The following NEMP2 variants were observed in gnomAD, a reference collection of about 807,000 sequenced individuals.
NEMP2 encodes the protein nuclear envelope integral membrane protein 2.
Under a neutral mutation model 54.2 loss-of-function variants are expected in NEMP2, and 53 were observed. The ratio of observed to expected loss-of-function variants is 0.98; its 90% CI spans 0.78 to 1.23. The LOEUF (loss-of-function observed/expected upper bound fraction) is 1.23, where lower values mean the gene tolerates loss of function less well. Among genes scored for constraint, NEMP2 ranks in the 50% most tolerant of loss-of-function variants. NEMP2 has a pLI of 0.00. For missense variants in NEMP2, 455 were observed against 511.3 expected, an observed-to-expected ratio of 0.89 and a Z score of 1.06; for synonymous variants, 197 against 190.3, an observed-to-expected ratio of 1.04 and a Z score of -0.29.
the NEMP2 span, among the ~76,000 whole-genome samples, chr2:190,471,511 A>T: frequency 1.3e-5 from 2 of 152,154 alleles, no homozygotes; most frequent in African/African-American, 4.8e-5. This position sits in a 1 kb window ranked among gnomAD's most constrained non-coding sequence, Gnocchi z 4.7. Context: ...GCAGTCTGAG[A>T]TCAAACTGCA....
At chr2:190,469,845 A>G in the NEMP2 span, 21 of 1,600,444 alleles carry the variant, frequency 1.3e-5, 1 homozygote, top group Non-Finnish European at 1.8e-5. This position sits in a 1 kb window ranked among gnomAD's most constrained non-coding sequence, Gnocchi z 5.3. Context: ...TCCCCATGGA[A>G]GTTCTTCAAG....
the NEMP2 span, among the ~76,000 whole-genome samples, chr2:190,604,827 T>C: frequency 6.6e-6 from 1 of 152,222 alleles, no homozygotes; most frequent in Admixed American, 6.5e-5. This position sits in a 1 kb window ranked among gnomAD's most constrained non-coding sequence, Gnocchi z 4.5. Context: ...GTATCATTTC[T>C]TATCATTTCT....
At chr2:190,609,651 G>T in the NEMP2 span, 1 of 152,130 alleles carries the variant, frequency 6.6e-6, no homozygotes, top group African/African-American at 2.4e-5. This position sits in a 1 kb window ranked among gnomAD's most constrained non-coding sequence, Gnocchi z 4.7. Context: ...GACAGTTGTT[G>T]TAATGCAGGC....
the NEMP2 span, among the ~76,000 whole-genome samples, chr2:190,595,604 A>G: frequency 1.2e-4 from 18 of 152,218 alleles, no homozygotes; most frequent in Non-Finnish European, 2.2e-4. The surrounding 1 kb of genome is among the most constrained non-coding windows in gnomAD (Gnocchi z 4.0). Context: ...ATAAACAGAT[A>G]CTTCTTGAAA....
the NEMP2 span, among the ~76,000 whole-genome samples, chr2:190,592,585 G>A: frequency 6.6e-6 from 1 of 152,072 alleles, no homozygotes; most frequent in African/African-American, 2.4e-5. The surrounding 1 kb of genome is among the most constrained non-coding windows in gnomAD (Gnocchi z 4.4). Context: ...ACTTCATAAG[G>A]GAGATAGTGT....
chr2:190,579,092 C>T, the NEMP2 span, among the ~76,000 whole-genome samples: 20 of 147,676 alleles, frequency 1.4e-4, no homozygotes, highest in Non-Finnish European at 2.9e-4. Context: ...GTGAATAGAA[C>T]TGTAAGTTAG....
chr2:190,500,418 C>A (rs2125283407), downstream of NEMP2: 2 of 609,082 alleles, frequency 3.3e-6, no homozygotes, highest in Middle Eastern at 4.5e-4. This position sits in a 1 kb window ranked among gnomAD's most constrained non-coding sequence, Gnocchi z 5.3. Flanking sequence ...CTTTCGTAAT[C>A]TCATTGGAAT....
At chr2:190,548,162 G>T in the NEMP2 span, among the ~76,000 whole-genome samples, 1 of 152,140 alleles carries the variant, frequency 6.6e-6, no homozygotes, top group Non-Finnish European at 1.5e-5. Context: ...CCACATTGTG[G>T]TTGTGTCCCT....
the NEMP2 span, among the ~76,000 whole-genome samples, chr2:190,629,979 G>C: frequency 6.6e-6 from 1 of 152,252 alleles, no homozygotes; most frequent in African/African-American, 2.4e-5. Flanking sequence ...TAGCTACCAA[G>C]AGGGGGATGT....
At chr2:190,606,078 G>C in the NEMP2 span, among the ~76,000 whole-genome samples, 1 of 152,218 alleles carries the variant, frequency 6.6e-6, no homozygotes, top group Admixed American at 6.5e-5. Flanking sequence ...CCACCTTCCA[G>C]TCTTGCGCTT....
At chr2:190,532,048 A>G (rs1691163381) in intron 1 of NEMP2, among the ~76,000 whole-genome samples, 1 of 152,212 alleles carries the variant, frequency 6.6e-6, no homozygotes, top group South Asian at 2.1e-4. Context: ...TATATGACAA[A>G]TTTCCCCATT....
the NEMP2 span, among the ~76,000 whole-genome samples, chr2:190,620,109 AACTAAGCTC>A: frequency 6.6e-6 from 1 of 152,126 alleles, no homozygotes. The surrounding 1 kb of genome is among the most constrained non-coding windows in gnomAD (Gnocchi z 4.9). Flanking sequence ...TTCCCTGGGG[AACTAAGCTC>A]TCAGTTGGAT....
chr2:190,434,182 C>CAAAA, the NEMP2 span, among the ~76,000 whole-genome samples: 646 of 129,772 alleles, frequency 5.0e-3, 5 homozygotes, highest in African/African-American at 0.018. This position sits in a 1 kb window ranked among gnomAD's most constrained non-coding sequence, Gnocchi z 4.3. Flanking sequence ...CCCTGTCTCT[C>CAAAA]AAAAAAAAAA....
Position 190,533,373 on chromosome 2 carries a change from A to G in NEMP2, c.97+1186T>C, listed in dbSNP as rs1188876231. On this transcript the variant is annotated intron_variant, in intron 1 of 8. Transcript: ENST00000409150. This position sits in a 1 kb window ranked among gnomAD's most constrained non-coding sequence, Gnocchi z 4.3. Reference sequence around the variant, plus strand: ...CTTACTACCAAACCTTCGTTTTCTCATCTGTAAAATGGGTATAAAATGGTG... The same window carrying G: ...CTTACTACCAAACCTTCGTTTTCTCGTCTGTAAAATGGGTATAAAATGGTG... Among the ~76,000 whole-genome samples, 2 of 152,196 alleles carry G rather than the reference A, an allele frequency of 1.3e-5. No individual in the cohort carries two copies. The highest frequency in any genetic ancestry group is 1.3e-4 in the Admixed American group (2 of 15,286).
At chr2:190,612,152 CTTTT>C in the NEMP2 span, among the ~76,000 whole-genome samples, 7 of 115,784 alleles carry the variant, frequency 6.0e-5, no homozygotes, top group Admixed American at 3.1e-4. Flanking sequence ...AAACATCCCT[CTTTT>C]TTTTTTTTTT....
the NEMP2 span, among the ~76,000 whole-genome samples, chr2:190,428,285 A>C: frequency 1.3e-5 from 2 of 152,230 alleles, no homozygotes; most frequent in Non-Finnish European, 2.9e-5. Context: ...CATTAAAATT[A>C]TTCTGCAGTG....
At chr2:190,544,985 C>A in the NEMP2 span, among the ~76,000 whole-genome samples, 2 of 151,330 alleles carry the variant, frequency 1.3e-5, no homozygotes, top group South Asian at 4.2e-4. Flanking sequence ...CACCTGTAGT[C>A]CCAGCTACTC....
chr2:190,548,716 T>C, the NEMP2 span, among the ~76,000 whole-genome samples: 1 of 152,238 alleles, frequency 6.6e-6, no homozygotes, highest in Non-Finnish European at 1.5e-5. Flanking sequence ...AATCTTTATA[T>C]CTATCATGAA....
In NEMP2 at chr2:190,509,803, G is replaced by C. The variant is rs1690293060; in HGVS notation, c.1131-491C>G. 6.6e-6 allele frequency among the ~76,000 whole-genome samples: 1 copy of C among 152,206 alleles called. No individual in the cohort carries two copies. Among genetic ancestry groups the C allele is most frequent in the Non-Finnish European group, 1.5e-5 (1 of 68,040 alleles). ...GCCTGTAATCCCAGCACTTTGGGAGGCCAAGGCAGGCAGATCACGAGGTCA... is the reference window on the plus strand; with the variant it reads ...GCCTGTAATCCCAGCACTTTGGGAGCCCAAGGCAGGCAGATCACGAGGTCA... On this transcript the variant is annotated intron_variant, in intron 8 of 8. Coordinates refer to ENST00000409150, the MANE Select transcript of NEMP2 (RefSeq NM_001142645.2). This position sits in a 1 kb window ranked among gnomAD's most constrained non-coding sequence, Gnocchi z 6.1.
Sources: gnomAD v4.1 joint callset for allele counts (sites outside exome capture counted in the v4.1 genomes callset) on GRCh38, gnomAD v4.1.1 for gene constraint, Gnocchi (gnomAD v3.1) non-coding constraint, MANE v1.5 for transcripts, NCBI Gene and HGNC (gene_info 2026-07-23, HGNC 2026-07-21) for gene names.